The following WDR17 variants were observed in gnomAD, a reference collection of about 807,000 sequenced individuals.
WDR17 encodes the protein WD repeat-containing protein 17.
Under a neutral mutation model 161.7 loss-of-function variants are expected in WDR17, and 143 were observed. The ratio of observed to expected loss-of-function variants is 0.88; its 90% confidence interval spans 0.77 to 1.02. WDR17 has a LOEUF of 1.02. Ranked by LOEUF, WDR17 falls within the 50% of genes least tolerant of loss-of-function variation. The pLI is 0.00. For missense variants in WDR17, 1,469 were observed against 1,520.9 expected, an observed-to-expected ratio of 0.97 and a Z score of 0.57; for synonymous variants, 517 against 515.6, an observed-to-expected ratio of 1.00 and a Z score of -0.04.
intron 3 of WDR17, among the ~76,000 whole-genome samples, 182 bp downstream of exon 3, chr4:176,116,161 T>C (rs532758663): frequency 6.6e-4 from 100 of 151,966 alleles, no homozygotes; most frequent in African/African-American, 2.1e-3. Flanking sequence ...CAAAATTTCA[T>C]GAAATAATTA....
intron 9 of WDR17, among the ~76,000 whole-genome samples, chr4:176,139,142 A>T (rs889475400): frequency 6.6e-6 from 1 of 151,932 alleles, no homozygotes; most frequent in Admixed American, 6.6e-5. Flanking sequence ...ACCTTAAGCT[A>T]CAAGATAAAA....
At chr4:176,128,703 C>T (rs28698547) in intron 5 of WDR17, 35 bp from the exon 6 acceptor site, 384,006 of 1,573,556 alleles carry the variant, frequency 0.24, 48,811 homozygotes, top group Middle Eastern at 0.34. Flanking sequence ...TCATACAAAA[C>T]TTGTTAAAAT....
intron 17 of WDR17, among the ~76,000 whole-genome samples, chr4:176,155,243 G>A (rs1042372884): frequency 4.6e-5 from 7 of 151,214 alleles, no homozygotes; most frequent in Admixed American, 1.3e-4. Context: ...CTCTCCTTCC[G>A]TTTTTCTCTT....
intron 9 of WDR17, among the ~76,000 whole-genome samples, chr4:176,139,483 C>A (rs1181516827): frequency 6.6e-6 from 1 of 151,852 alleles, no homozygotes; most frequent in Non-Finnish European, 1.5e-5. Context: ...TAACTGCTTG[C>A]AACATTTCTT....
intron 7 of WDR17, among the ~76,000 whole-genome samples, chr4:176,132,623 T>C (rs1404388195): frequency 6.6e-6 from 1 of 152,014 alleles, no homozygotes; most frequent in African/African-American, 2.4e-5. Flanking sequence ...AAATGATTTA[T>C]AGCAAAAATA....
At position 176,128,748 on chromosome 4, in the gene WDR17, G is replaced by A. The variant is rs370156201; in HGVS notation, c.801G>A (p.Val267=). 4 of 1,598,896 alleles carry A rather than the reference G, an allele frequency of 2.5e-6. No individual in the cohort carries two copies. In the African/African-American group the frequency reaches 5.4e-5, roughly 22 times the overall value. The change falls in exon 6 of 29, where the codon GTG becomes GTA. Residue 267 remains valine (V), a synonymous_variant. Transcript: ENST00000508596. ...CCCTGATCTGACTAGATTCTCAAGTGGGTGTTTTACGCATTTGGAATGTTT... is the reference window on the plus strand; with the variant it reads ...CCCTGATCTGACTAGATTCTCAAGTAGGTGTTTTACGCATTTGGAATGTTT... ...PGMFITGDSQ[V]GVLRIWNVSR...
At chr4:176,173,451 G>A (rs914631461) in intron 25 of WDR17, 82 bp downstream of exon 25, 21 of 848,122 alleles carry the variant, frequency 2.5e-5, no homozygotes, top group Admixed American at 7.1e-5. Context: ...TATTCAGATC[G>A]GGAAATAGGA....
intron 4 of WDR17, among the ~76,000 whole-genome samples, chr4:176,124,658 A>T (rs1382755720): frequency 6.6e-6 from 1 of 152,218 alleles, no homozygotes; most frequent in Non-Finnish European, 1.5e-5. Flanking sequence ...GAGGCAGCAA[A>T]GCTAGTAAGA....
rs1287794819 is a variant in WDR17, at chr4:176,150,033, T to G, written c.2048-10T>G. On this transcript the variant is annotated splice_polypyrimidine_tract_variant and intron_variant, in intron 14 of 28. Transcript: ENST00000508596. ...AAATCTTTTCTCACTGAATTATGTC[T>G]GTTCTTCAGATTATGCTATAGAACC... The G allele has an allele frequency of 1.2e-6, 2 of 1,613,112 alleles. No homozygotes were observed. The highest frequency in any genetic ancestry group is 2.7e-5 in the African/African-American group (2 of 74,862).
chr4:176,173,992 C>T (rs954750536), intron 25 of WDR17, among the ~76,000 whole-genome samples: 6 of 151,644 alleles, frequency 4.0e-5, no homozygotes, highest in East Asian at 1.9e-4. Context: ...TTAAGAAACT[C>T]ATGGTCATAT....
intron 21 of WDR17, among the ~76,000 whole-genome samples, chr4:176,162,809 TAAAG>T (rs1749228448): frequency 6.6e-6 from 1 of 152,122 alleles, no homozygotes. Flanking sequence ...TATATAATCT[TAAAG>T]AAGCTCTTAA....
intron 2 of WDR17, among the ~76,000 whole-genome samples, chr4:176,115,473 T>C (rs1740458963): frequency 6.6e-6 from 1 of 152,006 alleles, no homozygotes; most frequent in Non-Finnish European, 1.5e-5. Flanking sequence ...CCAAGGGTTT[T>C]TTCTTCTCAT....
At chr4:176,103,763 G>A (rs1036492600) in intron 1 of WDR17, among the ~76,000 whole-genome samples, 4 of 151,986 alleles carry the variant, frequency 2.6e-5, no homozygotes, top group Admixed American at 6.6e-5. Flanking sequence ...AAACCGAAGG[G>A]ACATAAGGGA....
At chr4:176,152,932 T>TAAA (rs1455820340) in intron 17 of WDR17, among the ~76,000 whole-genome samples, 2 of 145,920 alleles carry the variant, frequency 1.4e-5, no homozygotes, top group African/African-American at 5.2e-5. Flanking sequence ...AGACTCCATC[T>TAAA]CAAAAAAAAA....
At chr4:176,109,695 T>C (rs886796937) in intron 1 of WDR17, among the ~76,000 whole-genome samples, 1 of 152,186 alleles carries the variant, frequency 6.6e-6, no homozygotes, top group African/African-American at 2.4e-5. Flanking sequence ...AATGTAACCA[T>C]TTAAAATTTA....
intron 19 of WDR17, 105 bp downstream of exon 19, chr4:176,160,231 A>C: frequency 7.1e-7 from 1 of 1,401,862 alleles, no homozygotes; most frequent in Non-Finnish European, 9.6e-7. Flanking sequence ...CAAAGTCATA[A>C]AGGGCTTGGC....
intron 17 of WDR17, among the ~76,000 whole-genome samples, chr4:176,152,762 C>T (rs1747409998): frequency 1.3e-5 from 2 of 151,058 alleles, no homozygotes; most frequent in African/African-American, 4.9e-5. Flanking sequence ...TGGAGAAACC[C>T]CGCCTCTTCT....
intron 11 of WDR17, among the ~76,000 whole-genome samples, chr4:176,143,913 A>G (rs1336039666): frequency 1.3e-5 from 2 of 152,124 alleles, no homozygotes; most frequent in Admixed American, 6.6e-5. Context: ...AAATCTTTCA[A>G]TACTTTCCCA....
chr4:176,154,925 A>G (rs969964259), intron 17 of WDR17, among the ~76,000 whole-genome samples: 33 of 152,190 alleles, frequency 2.2e-4, no homozygotes, highest in African/African-American at 4.8e-5. Context: ...AACAGTAACA[A>G]TCAGCCTTTA....
Sources: gnomAD v4.1 joint callset for allele counts (sites outside exome capture counted in the v4.1 genomes callset) on GRCh38, gnomAD v4.1.1 for gene constraint, MANE v1.5 for transcripts, NCBI Gene and HGNC (gene_info 2026-07-23, HGNC 2026-07-21) for gene names.